Variants in MAN1A2 observed in about 807,000 individuals in gnomAD.
MAN1A2 encodes mannosidase alpha class 1A member 2, also known as mannosyl-oligosaccharide 1,2-alpha-mannosidase IB.
In MAN1A2, 26 loss-of-function variants were observed where a neutral mutation model predicts 75.7. The observed-to-expected ratio is 0.34, with a 90% CI of 0.25 to 0.48. MAN1A2 has a LOEUF of 0.48. Among genes scored for constraint, MAN1A2 ranks in the 20% least tolerant of loss-of-function variants. MAN1A2 has a pLI of 0.99. For missense variants in MAN1A2, 562 were observed against 775.5 expected (o/e 0.72, Z 3.27); for synonymous variants, 247 against 264.6 (o/e 0.93, Z 0.65).
intron 5 of MAN1A2, among the ~76,000 whole-genome samples, chr1:117,429,574 C>T (rs1239775042): frequency 2.9e-4 from 24 of 81,982 alleles, no homozygotes; most frequent in African/African-American, 4.7e-4. Flanking sequence ...GCTGGCCGGG[C>T]GGGGGGCTGA....
chr1:117,376,662 T>A (rs1425397119), intron 1 of MAN1A2, among the ~76,000 whole-genome samples: 1 of 152,236 alleles, frequency 6.6e-6, no homozygotes, highest in Non-Finnish European at 1.5e-5. Context: ...TGAAAAGAAT[T>A]CCTAACATTG....
At chr1:117,465,327 ACAT>A (rs554771232) in intron 7 of MAN1A2, among the ~76,000 whole-genome samples, 82 of 152,314 alleles carry the variant, frequency 5.4e-4, no homozygotes, top group African/African-American at 1.9e-3. Flanking sequence ...ACCTTTTATA[ACAT>A]CATTCAGAAC....
At chr1:117,377,627 G>T (rs74112244) in intron 1 of MAN1A2, among the ~76,000 whole-genome samples, 21,570 of 152,100 alleles carry the variant, frequency 0.14, 1,746 homozygotes, top group South Asian at 0.22. Flanking sequence ...TGTCAGCAGG[G>T]TATTAGTTAA....
intron 8 of MAN1A2, among the ~76,000 whole-genome samples, chr1:117,472,058 A>G (rs1650178045): frequency 6.6e-6 from 1 of 151,930 alleles, no homozygotes; most frequent in African/African-American, 2.4e-5. Context: ...TGGGAGTGGT[A>G]GTCATCATAG....
intron 9 of MAN1A2, among the ~76,000 whole-genome samples, chr1:117,495,459 A>G (rs563706951): frequency 6.6e-6 from 1 of 152,004 alleles, no homozygotes; most frequent in South Asian, 2.1e-4. Flanking sequence ...CATTATTTTT[A>G]AACTTTGTCT....
chr1:117,410,712 A>G (rs1298622595), intron 3 of MAN1A2, among the ~76,000 whole-genome samples: 2 of 151,626 alleles, frequency 1.3e-5, no homozygotes, highest in African/African-American at 4.8e-5. Context: ...AGAGAATCCT[A>G]GGGAATGTAC....
chr1:117,418,717 A>G (rs918324583), intron 4 of MAN1A2, among the ~76,000 whole-genome samples: 5 of 152,112 alleles, frequency 3.3e-5, no homozygotes, highest in Admixed American at 6.5e-5. Context: ...CTCAGTTATT[A>G]CTTCTTTCAA....
intron 3 of MAN1A2, among the ~76,000 whole-genome samples, chr1:117,408,327 A>T (rs573947443): frequency 6.5e-4 from 99 of 151,580 alleles, no homozygotes; most frequent in Middle Eastern, 6.8e-3. Context: ...AAAAAAGCAG[A>T]ATGAGTTCTT....
At chr1:117,494,960 A>G (rs1650991705) in intron 9 of MAN1A2, 1 of 150,344 alleles carries the variant, frequency 6.7e-6, no homozygotes, top group South Asian at 2.1e-4. Context: ...TATATTTGAG[A>G]ACATGTGATA....
At chr1:117,494,757 G>C (rs1032585212) in intron 9 of MAN1A2, 1 of 151,880 alleles carries the variant, frequency 6.6e-6, no homozygotes, top group Admixed American at 6.6e-5. Context: ...TCCAAGATGG[G>C]TTATTATCTG....
intron 5 of MAN1A2, among the ~76,000 whole-genome samples, chr1:117,422,657 G>A (rs974329421): frequency 1.1e-4 from 16 of 151,940 alleles, no homozygotes; most frequent in African/African-American, 3.4e-4. Flanking sequence ...GTTCTATTTT[G>A]CATTCCCTGA....
At chr1:117,502,213 T>C (rs2101882155) in intron 11 of MAN1A2, among the ~76,000 whole-genome samples, 1 of 151,862 alleles carries the variant, frequency 6.6e-6, no homozygotes. Flanking sequence ...TGTGACTGTA[T>C]TTAAAGCTCT....
Position 117,442,266 on chromosome 1 carries a change from A to G in MAN1A2, c.891A>G (p.Lys297=), listed in dbSNP as rs201133258. The change falls in exon 6 of 13, where the codon AAA becomes AAG. Residue 297 remains lysine (K), a synonymous_variant. Coordinates refer to ENST00000356554, the MANE Select transcript of MAN1A2 (RefSeq NM_006699.5). ...FKIKAVQLAE[K]LLPAFNTPTG... is the part of the protein sequence containing the mutation. ...TTAAAGCAGTGCAATTGGCTGAGAAACTCCTTCCTGCCTTTAACACACCTA... is the reference window on the plus strand; with the variant it reads ...TTAAAGCAGTGCAATTGGCTGAGAAGCTCCTTCCTGCCTTTAACACACCTA... 2.5e-4 allele frequency: 402 copies of G among 1,612,058 alleles called. No homozygotes were observed. Among genetic ancestry groups the G allele is most frequent in the Non-Finnish European group, 3.1e-4 (361 of 1,178,446 alleles).
chr1:117,403,886 A>G (rs1647524903), intron 2 of MAN1A2, among the ~76,000 whole-genome samples: 1 of 152,184 alleles, frequency 6.6e-6, no homozygotes, highest in South Asian at 2.1e-4. Context: ...GCCATTAACT[A>G]TGTTGTGTCA....
At position 117,449,591 on chromosome 1, in the gene MAN1A2, C is replaced by T. The variant is rs1649342679; in HGVS notation, c.950+7266C>T. Among the ~76,000 whole-genome samples the T allele has an allele frequency of 2.0e-5, 3 of 150,940 alleles. No individual in the cohort carries two copies. The South Asian group carries it at 6.2e-4, about 31-fold the overall frequency. ...AAAAAAAAAGCTAGAAATAATTAAG[C>T]TTAGTGAGAAAGTCATGTCAAAAGC... On this transcript the variant is annotated intron_variant, in intron 6 of 12. Coordinates refer to ENST00000356554, the MANE Select transcript of MAN1A2 (RefSeq NM_006699.5).
At chr1:117,441,961 A>G (rs1252122402) in intron 5 of MAN1A2, among the ~76,000 whole-genome samples, 1 of 152,210 alleles carries the variant, frequency 6.6e-6, no homozygotes, top group African/African-American at 2.4e-5. Flanking sequence ...TTTTTGCCAG[A>G]TGAAAATAGA....
chr1:117,427,717 A>G (rs1648421463), intron 5 of MAN1A2, among the ~76,000 whole-genome samples: 1 of 151,928 alleles, frequency 6.6e-6, no homozygotes, highest in South Asian at 2.1e-4. Context: ...GAAAAGTTTG[A>G]AAGTATTCAT....
intron 10 of MAN1A2, among the ~76,000 whole-genome samples, chr1:117,497,476 A>G (rs528045624): frequency 4.6e-5 from 7 of 152,054 alleles, no homozygotes; most frequent in African/African-American, 1.4e-4. Flanking sequence ...TTATGGCTTT[A>G]ACTAAAAAGA....
At chr1:117,504,037 C>A (rs963565927) in intron 12 of MAN1A2, among the ~76,000 whole-genome samples, 1 of 151,292 alleles carries the variant, frequency 6.6e-6, no homozygotes, top group Non-Finnish European at 1.5e-5. Flanking sequence ...ACAATTTACC[C>A]TAATCCAGCC....
Sources: gnomAD v4.1 joint callset for allele counts (sites outside exome capture counted in the v4.1 genomes callset) on GRCh38, gnomAD v4.1.1 for gene constraint, MANE v1.5 for transcripts, NCBI Gene and HGNC (gene_info 2026-07-23, HGNC 2026-07-21) for gene names.